Variants in LUZP2 observed in about 807,000 individuals in gnomAD.
The protein encoded by LUZP2 is leucine zipper protein 2.
In LUZP2, 52 loss-of-function variants were observed where a neutral mutation model predicts 51.6. That is an observed-to-expected ratio of 1.01 (90% CI 0.81 to 1.27). The LOEUF is 1.27. Ranked by LOEUF, LUZP2 falls within the 50% of genes most tolerant of loss-of-function variation. The pLI is 0.00. For missense variants in LUZP2, 436 were observed against 395.4 expected, an observed-to-expected ratio of 1.10 and a Z score of -0.87; for synonymous variants, 154 against 137.3, an observed-to-expected ratio of 1.12 and a Z score of -0.85.
chr11:25,010,107 T>C (rs1216174146), intron 9 of LUZP2, among the ~76,000 whole-genome samples: 1 of 152,318 alleles, frequency 6.6e-6, no homozygotes, highest in South Asian at 2.1e-4. Flanking sequence ...ACACTGTTTT[T>C]TAAAACTATC....
chr11:24,756,853 C>T (rs1234667814), intron 4 of LUZP2, among the ~76,000 whole-genome samples: 1 of 152,206 alleles, frequency 6.6e-6, no homozygotes, highest in East Asian at 1.9e-4. Context: ...ACACCAGTCT[C>T]AAGTCATGGC....
At chr11:24,808,305 G>T (rs1481876033) in intron 5 of LUZP2, among the ~76,000 whole-genome samples, 2 of 152,082 alleles carry the variant, frequency 1.3e-5, no homozygotes, top group African/African-American at 2.4e-5. Context: ...TCATGCTTTT[G>T]TGAAGGTCAC....
At chr11:24,585,836 G>A (rs1426364459) in intron 1 of LUZP2, among the ~76,000 whole-genome samples, 3 of 152,072 alleles carry the variant, frequency 2.0e-5, no homozygotes, top group African/African-American at 7.2e-5. Context: ...TTAAACCAAT[G>A]TAATATGATT....
At chr11:24,967,371 A>C (rs1306789890) in intron 7 of LUZP2, among the ~76,000 whole-genome samples, 2 of 2,236 alleles carry the variant, frequency 8.9e-4, no homozygotes, top group African/African-American at 5.1e-3. Context: ...TGTTTATTTA[A>C]AATTTTTATT....
At chr11:24,709,351 T>C (rs1431746694) in intron 1 of LUZP2, among the ~76,000 whole-genome samples, 2 of 152,110 alleles carry the variant, frequency 1.3e-5, no homozygotes, top group Non-Finnish European at 2.9e-5. Flanking sequence ...CACATCATTC[T>C]CAAGGAGAGT....
intron 7 of LUZP2, among the ~76,000 whole-genome samples, chr11:24,922,120 A>T (rs1047032187): frequency 6.6e-6 from 1 of 152,014 alleles, no homozygotes; most frequent in Non-Finnish European, 1.5e-5. Context: ...AGGGTTTTAT[A>T]CTTAGTCCTT....
chr11:24,933,429 A>AT (rs923458157), intron 7 of LUZP2, among the ~76,000 whole-genome samples: 110 of 152,324 alleles, frequency 7.2e-4, no homozygotes, highest in African/African-American at 2.6e-3. Flanking sequence ...AAAGTAACTT[A>AT]TTTATGACTA....
chr11:24,964,873 C>T (rs1459055529), intron 7 of LUZP2, among the ~76,000 whole-genome samples: 1 of 151,686 alleles, frequency 6.6e-6, no homozygotes, highest in Admixed American at 6.6e-5. Context: ...GTTCTCAATG[C>T]ATGGTATAAA....
chr11:24,824,060 C>CT (rs1247771899), intron 5 of LUZP2, among the ~76,000 whole-genome samples: 2 of 147,324 alleles, frequency 1.4e-5, no homozygotes, highest in Non-Finnish European at 3.0e-5. Flanking sequence ...GAGACACTGT[C>CT]TAAAAAAAAA....
chr11:24,547,561 C>T (rs1375341799), intron 1 of LUZP2, among the ~76,000 whole-genome samples: 3 of 151,996 alleles, frequency 2.0e-5, no homozygotes, highest in African/African-American at 7.2e-5. Flanking sequence ...ATATGTAATA[C>T]AAAAATCTAC....
At chr11:24,580,710 G>A (rs1397627283) in intron 1 of LUZP2, among the ~76,000 whole-genome samples, 1 of 152,010 alleles carries the variant, frequency 6.6e-6, no homozygotes, top group East Asian at 1.9e-4. Flanking sequence ...GACTTAATGA[G>A]CCTCTCTAAT....
At chr11:24,922,802 A>G (rs1854099378) in intron 7 of LUZP2, among the ~76,000 whole-genome samples, 1 of 136,310 alleles carries the variant, frequency 7.3e-6, no homozygotes, top group Non-Finnish European at 1.6e-5. Context: ...AAATTATGGG[A>G]CTACCAAGTG....
intron 10 of LUZP2, among the ~76,000 whole-genome samples, chr11:25,063,584 T>C (rs1199699286): frequency 6.6e-6 from 1 of 151,894 alleles, no homozygotes; most frequent in Non-Finnish European, 1.5e-5. Context: ...TTCTTATTTA[T>C]ATTTTGTGTA....
intron 9 of LUZP2, among the ~76,000 whole-genome samples, chr11:25,033,977 T>C (rs978455894): frequency 2.6e-5 from 4 of 152,126 alleles, no homozygotes; most frequent in Admixed American, 2.6e-4. Flanking sequence ...ATGGTGGCTA[T>C]ATTGTAAGTT....
Position 24,763,312 on chromosome 11 carries a change from A to C in LUZP2, c.396+4A>C. The C allele has an allele frequency of 7.5e-7, 1 of 1,331,956 alleles. No homozygotes were observed. The highest frequency in any genetic ancestry group is 1.0e-6 in the Non-Finnish European group (1 of 997,126). The allele number at this position is 1,331,956 out of a possible 1,614,324, so 82.5% of individuals were successfully genotyped here. ...GATCCGAGACCTCCAGAATGAGGTAAGATATATTTCATCTTAGATACATTT... is the reference window on the plus strand; with the variant it reads ...GATCCGAGACCTCCAGAATGAGGTACGATATATTTCATCTTAGATACATTT... On this transcript the variant is annotated splice_donor_region_variant and intron_variant, in intron 5 of 11. Coordinates refer to ENST00000336930, the MANE Select transcript of LUZP2 (RefSeq NM_001009909.4).
intron 1 of LUZP2, among the ~76,000 whole-genome samples, chr11:24,675,361 A>G (rs1353435252): frequency 6.6e-6 from 1 of 152,224 alleles, no homozygotes; most frequent in African/African-American, 2.4e-5. Flanking sequence ...GAATTTTTAT[A>G]GAAATTTTAG....
intron 5 of LUZP2, among the ~76,000 whole-genome samples, chr11:24,870,939 C>G (rs1013422364): frequency 6.6e-6 from 1 of 151,818 alleles, no homozygotes; most frequent in East Asian, 1.9e-4. Flanking sequence ...TTCAGTTAAC[C>G]ATTTTTTTGG....
Position 24,602,144 on chromosome 11 carries a change from A to ATATGTG in LUZP2, c.62+104842_62+104843insGTGTAT, listed in dbSNP as rs1565020458. Reference sequence around the variant, plus strand: ...TATATATGTATATGTGTATATATGTATATATGTATATATGTATATATGTGT... The same window carrying ATATGTG: ...TATATATGTATATGTGTATATATGTATATGTGTATATGTATATATGTATATATGTGT... On this transcript the variant is annotated intron_variant, in intron 1 of 11. Transcript: ENST00000336930. Among the ~76,000 whole-genome samples the ATATGTG allele has an allele frequency of 3.3e-4, 39 of 118,102 alleles. 2 individuals are homozygous for ATATGTG. Among genetic ancestry groups the ATATGTG allele is most frequent in the African/African-American group, 7.8e-4 (22 of 28,036 alleles). 77.5% of individuals were successfully genotyped at this position (118,102 alleles called of 152,430 possible).
intron 6 of LUZP2, among the ~76,000 whole-genome samples, chr11:24,913,540 G>T (rs190858867): frequency 6.6e-6 from 1 of 151,994 alleles, no homozygotes; most frequent in South Asian, 2.1e-4. Context: ...GCAGTGTAAT[G>T]CAATGTACAT....
Sources: allele counts gnomAD v4.1 joint callset (sites outside exome capture counted in the v4.1 genomes callset), GRCh38; gene constraint gnomAD v4.1.1; transcripts MANE v1.5; gene names NCBI Gene and HGNC (gene_info 2026-07-23, HGNC 2026-07-21).